The following KCNH2 variants were observed in gnomAD, a reference collection of about 807,000 sequenced individuals.
The protein encoded by KCNH2 is potassium voltage-gated channel subfamily H member 2.
Under a neutral mutation model 95.9 loss-of-function variants are expected in KCNH2, and 35 were observed. The ratio of observed to expected loss-of-function variants is 0.37; its 90% confidence interval spans 0.28 to 0.48. KCNH2 has a LOEUF of 0.48. KCNH2 is among the 20% of genes least tolerant of loss of function. KCNH2 has a pLI of 0.99. For missense variants in KCNH2, 1,274 were observed against 1,702.9 expected (o/e 0.75, Z 4.43); for synonymous variants, 786 against 754.7 (o/e 1.04, Z -0.68).
Position 150,945,342 on chromosome 7 carries a change from C to G in KCNH2, c.*23G>C. 1 of 1,577,640 alleles carries G rather than the reference C, an allele frequency of 6.3e-7. No individual in the cohort carries two copies. The highest frequency in any genetic ancestry group is 8.6e-7 in the Non-Finnish European group (1 of 1,162,256). On this transcript the variant is annotated 3_prime_UTR_variant, in exon 15 of 15. Transcript: ENST00000262186. The surrounding 1 kb of genome is among the most constrained non-coding windows in gnomAD (Gnocchi z 5.6). Reference sequence around the variant, plus strand: ...AGCGCCTTGATCCCTGGGTGAGCCACGTGTCCACACTGGGCAGCCCCACTA... The same window carrying G: ...AGCGCCTTGATCCCTGGGTGAGCCAGGTGTCCACACTGGGCAGCCCCACTA...
intron 2 of KCNH2, 48 bp downstream of exon 2, chr7:150,974,663 C>A (rs1253857527): frequency 1.4e-6 from 2 of 1,461,666 alleles, no homozygotes; most frequent in Non-Finnish European, 1.9e-6. Context: ...TGGTCCCGCC[C>A]CTCTTGACCC....
chr7:150,948,325 C>T, intron 11 of KCNH2, 119 bp downstream of exon 11: 2 of 831,492 alleles, frequency 2.4e-6, no homozygotes, highest in Non-Finnish European at 3.9e-6. Flanking sequence ...AGTGGGCACA[C>T]TGGAGGAAGG....
chr7:150,953,472 T>C (rs1241809016), intron 5 of KCNH2, among the ~76,000 whole-genome samples: 1 of 151,992 alleles, frequency 6.6e-6, no homozygotes, highest in Non-Finnish European at 1.5e-5. Context: ...CCTCCCACCC[T>C]CTTACAAAGG....
rs1403788067 is a variant in KCNH2, at chr7:150,962,724, G to A, written c.308-2988C>T. On this transcript the variant is annotated intron_variant, in intron 2 of 14. Transcript: ENST00000262186. This position sits in a 1 kb window ranked among gnomAD's most constrained non-coding sequence, Gnocchi z 5.7. The stretch of plus-strand genomic sequence containing the variant: ...TCCTTTCAAAATAACCCTGTCAAAG[G>A]CCTGGTTATTCAAAAAATGTGAACT... 6.6e-6 allele frequency among the ~76,000 whole-genome samples: 1 copy of A among 151,476 alleles called. No homozygotes were observed. Among genetic ancestry groups the A allele is most frequent in the East Asian group, 1.9e-4 (1 of 5,156 alleles).
At position 150,948,427 on chromosome 7, in the gene KCNH2, C is replaced by CAACAA; in HGVS notation, c.2692+16_2692+17insTTGTT. The CAACAA allele has an allele frequency of 8.1e-6, 9 of 1,110,716 alleles. No homozygotes were observed. The highest frequency in any genetic ancestry group is 1.2e-5 in the South Asian group (1 of 80,934). 68.8% of individuals were successfully genotyped at this position (1,110,716 alleles called of 1,614,324 possible). A position where few individuals can be genotyped will look rare whatever the true frequency, so the allele number is the denominator to read the frequency against. On this transcript the variant is annotated intron_variant, in intron 11 of 14. Coordinates refer to ENST00000262186, the MANE Select transcript of KCNH2 (RefSeq NM_000238.4). ...CCTTGTCCCCGCCCTCCCCCTTCCT[C>CAACAA]CCCTCCCCCGCCTCACCCTTGTCCG...
Position 150,952,301 on chromosome 7 carries a change from T to C in KCNH2, c.1557+124A>G. ...GCCACCATGTCTCTCTCCCACTGTC[T>C]TTCTCTCTTTCTCTCTCTCTCTCTT... On this transcript the variant is annotated intron_variant, in intron 6 of 14. Transcript: ENST00000262186. This position sits in a 1 kb window ranked among gnomAD's most constrained non-coding sequence, Gnocchi z 7.3. 1 of 1,105,288 alleles carries C rather than the reference T, an allele frequency of 9.0e-7. No individual in the cohort carries two copies. Among genetic ancestry groups the C allele is most frequent in the Non-Finnish European group, 1.3e-6 (1 of 754,430 alleles). 68.5% of individuals were successfully genotyped at this position (1,105,288 alleles called of 1,614,324 possible). A position where few individuals can be genotyped will look rare whatever the true frequency, so the allele number is the denominator to read the frequency against.
Position 150,950,151 on chromosome 7 carries a change from C to A in KCNH2, c.2398+17G>T, listed in dbSNP as rs1224163933. On this transcript the variant is annotated intron_variant, in intron 9 of 14. Transcript: ENST00000262186. ...CAGAGGGCATTTCCAGTCCAGTGCC[C>A]GCCCCCCACCCCATACCCAGGATGG... 2.2e-5 allele frequency: 16 copies of A among 715,886 alleles called. No homozygotes were observed. The highest frequency in any genetic ancestry group is 4.1e-5 in the South Asian group (3 of 73,144). The allele number at this position is 715,886 out of a possible 1,614,324, so 44.3% of individuals were successfully genotyped here. A position where few individuals can be genotyped will look rare whatever the true frequency, so the allele number is the denominator to read the frequency against.
chr7:150,973,768 C>T (rs2117058672), intron 2 of KCNH2, among the ~76,000 whole-genome samples: 1 of 152,350 alleles, frequency 6.6e-6, no homozygotes, highest in South Asian at 2.1e-4. Flanking sequence ...TGCTCACTGT[C>T]TACAGCAGAC....
chr7:150,957,616 A>G (rs538364464), intron 4 of KCNH2, 114 bp from the exon 5 acceptor site: 1 of 776,446 alleles, frequency 1.3e-6, no homozygotes, highest in Non-Finnish European at 2.2e-6. Context: ...CCATGGGGTC[A>G]GCTCAAGAGA....
chr7:150,949,159 G>A (rs1433719810), intron 9 of KCNH2, 110 bp from the exon 10 acceptor site: 3 of 1,181,774 alleles, frequency 2.5e-6, no homozygotes, highest in Admixed American at 2.1e-5. Context: ...CCTCAGCTGG[G>A]TCGCCTGCCA....
Position 150,952,853 on chromosome 7 carries a change from C to T in KCNH2, c.1129G>A (p.Val377Ile), listed in dbSNP as rs1454024226. 1 of 1,613,066 alleles carries T rather than the reference C, an allele frequency of 6.2e-7. No individual in the cohort carries two copies. The highest frequency in any genetic ancestry group is 8.5e-7 in the Non-Finnish European group (1 of 1,179,960). The change falls in exon 6 of 15, where the codon GTC becomes ATC. Residue 377 changes from valine to isoleucine, a missense_variant and splice_region_variant. Around this residue, in one of 7 missense-constraint regions of KCNH2, gnomAD observed 392 missense variants for 429.9 expected, o/e 0.91. Transcript: ENST00000262186. This position sits in a 1 kb window ranked among gnomAD's most constrained non-coding sequence, Gnocchi z 7.3. ...THNVTEKVTQ[V>I]LSLGADVLPE... ...AGCACGTCGGCGCCCAGGGACAGGA[C>T]CTGCACCCGGGGAAGGCGGAGGTGT...
At chr7:150,965,931 C>G (rs893572861) in intron 2 of KCNH2, among the ~76,000 whole-genome samples, 1 of 152,220 alleles carries the variant, frequency 6.6e-6, no homozygotes, top group Non-Finnish European at 1.5e-5. Flanking sequence ...ATTTCAAGCC[C>G]GTGGTGCCCT....
chr7:150,947,429 G>T lies in KCNH2; in HGVS notation c.3051C>A (p.Ala1017=), dbSNP rs75488587. Residue 1017 remains alanine (A), a synonymous_variant, in exon 13 of 15, where the codon GCC becomes GCA. Transcript: ENST00000262186. ...GGATGTTGAGGAGGCTGGGGGTGGG[G>T]GCGGGGCATCGAGGGAGCTCCTGGT... is the stretch of plus-strand genomic sequence containing the variant. ...RQYQELPRCP[A]PTPSLLNIPL... 2.6e-6 allele frequency: 4 copies of T among 1,556,652 alleles called. No individual in the cohort carries two copies. Among genetic ancestry groups the T allele is most frequent in the Non-Finnish European group, 3.5e-6 (4 of 1,150,380 alleles).
Position 150,950,554 on chromosome 7 carries a change from G to T in KCNH2, c.2146-134C>A, listed in dbSNP as rs1360459932. On this transcript the variant is annotated intron_variant, in intron 8 of 14. Coordinates refer to ENST00000262186, the MANE Select transcript of KCNH2 (RefSeq NM_000238.4). ...CCTGGGAGATCTCGGAAGCATCAGG[G>T]GGCCCAGTGTCTTGGGAAGGACCTG... 8.2e-6 allele frequency: 10 copies of T among 1,225,048 alleles called. No individual in the cohort carries two copies. In the South Asian group the frequency reaches 1.3e-4, roughly 16 times the overall value. The allele number at this position is 1,225,048 out of a possible 1,614,324, so 75.9% of individuals were successfully genotyped here.
intron 1 of KCNH2, among the ~76,000 whole-genome samples, chr7:150,975,357 G>C (rs1299325870): frequency 6.6e-6 from 1 of 152,188 alleles, no homozygotes; most frequent in Admixed American, 6.5e-5. Context: ...CTTTGCATCG[G>C]CTCTCTGGAT....
intron 2 of KCNH2, among the ~76,000 whole-genome samples, chr7:150,960,625 C>T (rs1801540184): frequency 6.6e-6 from 1 of 152,214 alleles, no homozygotes; most frequent in Admixed American, 6.5e-5. Context: ...ACAGATGTAC[C>T]AGCCTATAAC....
At chr7:150,971,598 TGGGAGAGA>T (rs1247836494) in intron 2 of KCNH2, among the ~76,000 whole-genome samples, 1 of 150,140 alleles carries the variant, frequency 6.7e-6, no homozygotes, top group Non-Finnish European at 1.5e-5. Context: ...TGGGGGACAA[TGGGAGAGA>T]GGGAGAGAGG....
At chr7:150,965,750 C>T (rs939629202) in intron 2 of KCNH2, among the ~76,000 whole-genome samples, 11 of 152,220 alleles carry the variant, frequency 7.2e-5, no homozygotes, top group African/African-American at 1.4e-4. Flanking sequence ...CCCGTCCATC[C>T]GAGTCAGAGC....
chr7:150,948,799 G>A (rs1333818614), intron 10 of KCNH2, 57 bp downstream of exon 10: 2 of 1,492,176 alleles, frequency 1.3e-6, no homozygotes, highest in East Asian at 2.3e-5. Flanking sequence ...ACAGCAAAGG[G>A]GCAGCCACAC....
Sources: allele counts gnomAD v4.1 joint callset (sites outside exome capture counted in the v4.1 genomes callset), GRCh38; gene constraint gnomAD v4.1.1; regional missense constraint gnomAD v4.1.1; non-coding constraint Gnocchi (gnomAD v3.1); transcripts MANE v1.5; gene names NCBI Gene and HGNC (gene_info 2026-07-23, HGNC 2026-07-21).